The following CNTN3 variants were observed in gnomAD, a reference collection of about 807,000 sequenced individuals.
The protein encoded by CNTN3 is contactin 3, also known as contactin-3.
Under a neutral mutation model 119.1 loss-of-function variants are expected in CNTN3, and 60 were observed. The observed-to-expected ratio is 0.50, with a 90% CI of 0.41 to 0.62. The LOEUF is 0.62. Ranked by LOEUF, CNTN3 falls within the 20% of genes least tolerant of loss-of-function variation. The probability of loss-of-function intolerance (pLI) is 0.00; values close to 1 mark genes in which losing one functional copy is unlikely to be tolerated. For synonymous variants in CNTN3, 450 were observed against 438.7 expected (o/e 1.03, Z -0.32); for missense variants, 1,101 against 1,242.4 (o/e 0.89, Z 1.71).
At chr3:74,321,090 C>T (rs117507289) in intron 13 of CNTN3, among the ~76,000 whole-genome samples, 2 of 151,992 alleles carry the variant, frequency 1.3e-5, no homozygotes, top group Non-Finnish European at 2.9e-5. Context: ...ACTGGGTATA[C>T]ATGAACATAC....
chr3:74,286,644 T>A (rs1702120445), intron 19 of CNTN3, among the ~76,000 whole-genome samples: 1 of 151,982 alleles, frequency 6.6e-6, no homozygotes, highest in African/African-American at 2.4e-5. Context: ...AAACCAATAT[T>A]CAAAGGGAAA....
At chr3:74,521,618 A>T (rs112190187) in intron 1 of CNTN3, among the ~76,000 whole-genome samples, 2,224 of 151,936 alleles carry the variant, frequency 0.015, 56 homozygotes, top group African/African-American at 0.049. Flanking sequence ...CTAATAAAGC[A>T]TGCAAATTAT....
chr3:74,585,318 T>C (rs1033230072), intron 1 of CNTN3, among the ~76,000 whole-genome samples: 1 of 152,082 alleles, frequency 6.6e-6, no homozygotes, highest in African/African-American at 2.4e-5. Flanking sequence ...CGAAACAAAA[T>C]TGAAGTATGT....
intron 1 of CNTN3, among the ~76,000 whole-genome samples, chr3:74,538,458 G>A (rs1703796609): frequency 6.6e-6 from 1 of 152,000 alleles, no homozygotes; most frequent in Non-Finnish European, 1.5e-5. Flanking sequence ...TATTTGCAGG[G>A]TCAGAGATCT....
intron 1 of CNTN3, among the ~76,000 whole-genome samples, chr3:74,555,353 G>T (rs1704053371): frequency 6.6e-6 from 1 of 152,132 alleles, no homozygotes; most frequent in Non-Finnish European, 1.5e-5. Context: ...ATGATCATCA[G>T]GGATATTGGC....
chr3:74,461,361 T>C (rs986372747), intron 4 of CNTN3, among the ~76,000 whole-genome samples: 4 of 152,074 alleles, frequency 2.6e-5, no homozygotes, highest in African/African-American at 7.2e-5. Flanking sequence ...GTTAAATTAA[T>C]TGCAATATAA....
At chr3:74,523,710 T>C (rs2107125696) in intron 1 of CNTN3, among the ~76,000 whole-genome samples, 1 of 152,084 alleles carries the variant, frequency 6.6e-6, no homozygotes, top group African/African-American at 2.4e-5. Flanking sequence ...TCCTCATCTT[T>C]AATATCAAAA....
chr3:74,335,219 G>C (rs763203753), intron 12 of CNTN3, among the ~76,000 whole-genome samples: 3 of 151,984 alleles, frequency 2.0e-5, no homozygotes, highest in Non-Finnish European at 4.4e-5. Flanking sequence ...TTTCAACTTA[G>C]TTTTATTGTT....
At chr3:74,600,981 T>C (rs540695339) in intron 1 of CNTN3, among the ~76,000 whole-genome samples, 1 of 151,890 alleles carries the variant, frequency 6.6e-6, no homozygotes, top group African/African-American at 2.4e-5. Flanking sequence ...CTTATTAGGT[T>C]AGTGTTGTTG....
Position 74,299,489 on chromosome 3 carries a change from C to T in CNTN3, c.2166+379G>A, listed in dbSNP as rs185122236. Among the ~76,000 whole-genome samples the T allele has an allele frequency of 2.7e-3, 416 of 152,224 alleles. 1 individual carries two copies. Among genetic ancestry groups the T allele is most frequent in the Middle Eastern group, 0.01 (3 of 294 alleles). On this transcript the variant is annotated intron_variant, in intron 17 of 22. Transcript: ENST00000263665. ...TAAGGGGAGCTTGAGGGGCAACAGC[C>T]GCAACATAACTCATCTCTATGTCTA...
intron 20 of CNTN3, among the ~76,000 whole-genome samples, chr3:74,284,544 A>G (rs998896049): frequency 6.6e-6 from 1 of 152,210 alleles, no homozygotes; most frequent in African/African-American, 2.4e-5. Context: ...GAATGTTTTC[A>G]ATCACTATTA....
intron 11 of CNTN3, among the ~76,000 whole-genome samples, chr3:74,340,528 C>T (rs1419195010): frequency 2.0e-5 from 3 of 152,034 alleles, no homozygotes; most frequent in Non-Finnish European, 4.4e-5. Flanking sequence ...ATTTTGGGGC[C>T]ATGACACCCA....
At chr3:74,303,704 CA>C (rs1179914456) in intron 13 of CNTN3, among the ~76,000 whole-genome samples, 1 of 151,998 alleles carries the variant, frequency 6.6e-6, no homozygotes, top group Non-Finnish European at 1.5e-5. Context: ...TCTCCGCCTC[CA>C]AAAAATAAAT....
intron 2 of CNTN3, among the ~76,000 whole-genome samples, chr3:74,506,542 A>G (rs953089158): frequency 1.3e-5 from 2 of 152,126 alleles, no homozygotes; most frequent in Non-Finnish European, 2.9e-5. Context: ...TTTTCTTTTT[A>G]TGAATGTGAG....
In CNTN3 at chr3:74,301,540, C is replaced by T. The variant is rs761330829; in HGVS notation, c.1953G>A (p.Glu651=). 9 of 1,613,754 alleles carry T rather than the reference C, an allele frequency of 5.6e-6. No homozygotes were observed. Among genetic ancestry groups the T allele is most frequent in the East Asian group, 4.5e-5 (2 of 44,892 alleles). ...VGWQTVTTVP[E]VIDGKTHTAT... ...CTGTGTGCGTCTTCCCATCGATGACCTCAGGCACTACAAAGGAATATTTCA... is the reference window on the plus strand; with the variant it reads ...CTGTGTGCGTCTTCCCATCGATGACTTCAGGCACTACAAAGGAATATTTCA... The change falls in exon 16 of 23, where the codon GAG becomes GAA. Residue 651 remains glutamate (E), a synonymous_variant. Transcript: ENST00000263665.
Position 74,295,113 on chromosome 3 carries a change from G to T in CNTN3, c.2517+8C>A, listed in dbSNP as rs746533876. On this transcript the variant is annotated splice_region_variant and intron_variant, in intron 19 of 22. Transcript: ENST00000263665. ...ACACATACACAATTTAATCGGAAAA[G>T]AAATTACCTCATAGCCCAGTAAATG... 1.9e-6 allele frequency: 3 copies of T among 1,563,644 alleles called. No homozygotes were observed. Among genetic ancestry groups the T allele is most frequent in the Non-Finnish European group, 1.8e-6 (2 of 1,135,034 alleles).
chr3:74,595,119 A>G (rs187555302), intron 1 of CNTN3, among the ~76,000 whole-genome samples: 78 of 151,702 alleles, frequency 5.1e-4, no homozygotes, highest in African/African-American at 1.8e-3. Flanking sequence ...CTGTTCATAT[A>G]CTTTGCCCAC....
intron 4 of CNTN3, among the ~76,000 whole-genome samples, chr3:74,434,940 A>G (rs1701841771): frequency 6.6e-6 from 1 of 152,124 alleles, no homozygotes; most frequent in Non-Finnish European, 1.5e-5. Context: ...TTGCCATCTC[A>G]TATTTGACAC....
chr3:74,595,279 C>CAGA (rs1704785770), intron 1 of CNTN3, among the ~76,000 whole-genome samples: 1 of 151,430 alleles, frequency 6.6e-6, no homozygotes, highest in South Asian at 2.1e-4. Flanking sequence ...TTTTGCTGTG[C>CAGA]AGAAGCTCTT....
Sources: allele counts gnomAD v4.1 joint callset (sites outside exome capture counted in the v4.1 genomes callset), GRCh38; gene constraint gnomAD v4.1.1; transcripts MANE v1.5; gene names NCBI Gene and HGNC (gene_info 2026-07-23, HGNC 2026-07-21).